Variants in PODXL2 observed in about 807,000 individuals in gnomAD.
The protein encoded by PODXL2 is podocalyxin like 2, also known as podocalyxin-like protein 2.
In PODXL2, 17 loss-of-function variants were observed where a neutral mutation model predicts 53.4. That is an observed-to-expected ratio of 0.32 (90% confidence interval 0.22 to 0.48). PODXL2 has a LOEUF of 0.48. PODXL2 is among the 20% of genes least tolerant of loss of function. The probability of loss-of-function intolerance (pLI) is 0.99; values close to 1 mark genes in which losing one functional copy is unlikely to be tolerated. For synonymous variants in PODXL2, 311 were observed against 306.7 expected, an observed-to-expected ratio of 1.01 and a Z score of -0.15; for missense variants, 673 against 760.0, an observed-to-expected ratio of 0.89 and a Z score of 1.35.
chr3:127,661,842 G>A (rs777071354), intron 3 of PODXL2, among the ~76,000 whole-genome samples: 3 of 152,060 alleles, frequency 2.0e-5, no homozygotes, highest in Non-Finnish European at 4.4e-5. Flanking sequence ...CGACACCCAT[G>A]TGCATAGCAG....
chr3:127,662,746 A>G (rs931807426), intron 4 of PODXL2, among the ~76,000 whole-genome samples: 5 of 152,194 alleles, frequency 3.3e-5, no homozygotes, highest in Admixed American at 6.5e-5. Context: ...AGCTTTGAGC[A>G]TAGTGCTAGG....
intron 2 of PODXL2, among the ~76,000 whole-genome samples, chr3:127,656,360 C>G (rs564722387): frequency 2.0e-5 from 3 of 152,286 alleles, no homozygotes; most frequent in Admixed American, 2.0e-4. Flanking sequence ...CAGGCCAAGG[C>G]AGGAGGATCG....
intron 1 of PODXL2, among the ~76,000 whole-genome samples, chr3:127,635,268 C>G (rs2074570594): frequency 6.6e-6 from 1 of 152,218 alleles, no homozygotes; most frequent in African/African-American, 2.4e-5. Flanking sequence ...CCCTGTGGCT[C>G]AAACAGAGTT....
chr3:127,635,253 A>C (rs1295117281), intron 1 of PODXL2, among the ~76,000 whole-genome samples: 3 of 152,228 alleles, frequency 2.0e-5, no homozygotes, highest in Non-Finnish European at 4.4e-5. Flanking sequence ...TCCCTGCCCT[A>C]CTAACCCTGT....
At position 127,672,510 on chromosome 3, in the gene PODXL2, G is replaced by T; in HGVS notation, c.*30G>T. The T allele has an allele frequency of 7.2e-7, 1 of 1,385,996 alleles. No homozygotes were observed. Among genetic ancestry groups the T allele is most frequent in the Non-Finnish European group, 9.6e-7 (1 of 1,045,618 alleles). The allele number at this position is 1,385,996 out of a possible 1,614,324, so 85.9% of individuals were successfully genotyped here. A position where few individuals can be genotyped will look rare whatever the true frequency, so the allele number is the denominator to read the frequency against. ...AGCCGAGGCGCAGGCCGAGTGGGCC[G>T]CCAGGACCAAGCGAGGTGGACCCCG... On this transcript the variant is annotated 3_prime_UTR_variant, in exon 8 of 8. Coordinates refer to ENST00000342480, the MANE Select transcript of PODXL2 (RefSeq NM_015720.4).
chr3:127,667,373 T>C (rs2074799835), intron 4 of PODXL2, among the ~76,000 whole-genome samples: 1 of 152,212 alleles, frequency 6.6e-6, no homozygotes, highest in South Asian at 2.1e-4. Context: ...GGCTCTCAGC[T>C]GCATAGCAGG....
intron 2 of PODXL2, among the ~76,000 whole-genome samples, chr3:127,646,478 C>G (rs933525102): frequency 8.6e-5 from 13 of 152,012 alleles, no homozygotes; most frequent in East Asian, 5.8e-4. Context: ...ACCTCCGCCT[C>G]CCAGGTTCAA....
chr3:127,637,237 C>T (rs564523945), intron 1 of PODXL2, among the ~76,000 whole-genome samples: 1 of 152,254 alleles, frequency 6.6e-6, no homozygotes, highest in African/African-American at 2.4e-5. Flanking sequence ...GTTTACTAGC[C>T]CTGGTCAGAT....
At chr3:127,641,431 ACTC>A (rs2074619526) in intron 2 of PODXL2, among the ~76,000 whole-genome samples, 2 of 150,566 alleles carry the variant, frequency 1.3e-5, no homozygotes, top group South Asian at 4.2e-4. Flanking sequence ...CTGGTCTTGA[ACTC>A]CTGGGCTCAA....
intron 2 of PODXL2, among the ~76,000 whole-genome samples, chr3:127,646,692 A>C (rs1484719066): frequency 3.3e-5 from 5 of 152,028 alleles, no homozygotes; most frequent in Non-Finnish European, 5.9e-5. Context: ...GGCTCCATAG[A>C]ATTTTGAGTT....
chr3:127,672,587 C>A lies in PODXL2; in HGVS notation c.*107C>A. 2.9e-6 allele frequency: 2 copies of A among 696,664 alleles called. No individual in the cohort carries two copies. Among genetic ancestry groups the A allele is most frequent in the Non-Finnish European group, 4.3e-6 (2 of 461,562 alleles). The allele number at this position is 696,664 out of a possible 1,614,324, so 43.2% of individuals were successfully genotyped here. ...GCCCCGCGCCTACCCGGGCCGCCCC[C>A]GCGGCCTGGCCCTCGGCGCGGGCTC... On this transcript the variant is annotated 3_prime_UTR_variant, in exon 8 of 8. Coordinates refer to ENST00000342480, the MANE Select transcript of PODXL2 (RefSeq NM_015720.4).
rs559426047 is a variant in PODXL2, at chr3:127,657,127, A to G, written c.350-3251A>G. Among the ~76,000 whole-genome samples, 38 of 152,310 alleles carry G rather than the reference A, an allele frequency of 2.5e-4. No individual in the cohort carries two copies. In the South Asian group the frequency reaches 7.5e-3, roughly 30 times the overall value. On this transcript the variant is annotated intron_variant, in intron 2 of 7. Coordinates refer to ENST00000342480, the MANE Select transcript of PODXL2 (RefSeq NM_015720.4). Reference sequence around the variant, plus strand: ...TAAGTTAGTGGCTGAGTCCCAGATCATGCTGCCGACAGCGTGACTGATGAT... The same window carrying G: ...TAAGTTAGTGGCTGAGTCCCAGATCGTGCTGCCGACAGCGTGACTGATGAT...
Position 127,629,955 on chromosome 3 carries a change from C to T in PODXL2, c.70+666C>T, listed in dbSNP as rs948511509. Among the ~76,000 whole-genome samples the T allele has an allele frequency of 6.6e-6, 1 of 152,070 alleles. No individual in the cohort carries two copies. On this transcript the variant is annotated intron_variant, in intron 1 of 7. Coordinates refer to ENST00000342480, the MANE Select transcript of PODXL2 (RefSeq NM_015720.4). This position sits in a 1 kb window ranked among gnomAD's most constrained non-coding sequence, Gnocchi z 6.4. ...GCTCACACACGAGGGAGGTGTGAGA[C>T]TCAGATGTGTGGTTTCCATTCAGCA...
rs992563951 is a variant in PODXL2, at chr3:127,629,850, C to A, written c.70+561C>A. Among the ~76,000 whole-genome samples, 14 of 152,046 alleles carry A rather than the reference C, an allele frequency of 9.2e-5. No individual in the cohort carries two copies. The highest frequency in any genetic ancestry group is 1.9e-4 in the Non-Finnish European group (13 of 68,018). Reference sequence around the variant, plus strand: ...AATGGGTATTCTCTCCTGTTCTGGGCGACTCTATTAGGAGCTGACAAAAAC... The same window carrying A: ...AATGGGTATTCTCTCCTGTTCTGGGAGACTCTATTAGGAGCTGACAAAAAC... On this transcript the variant is annotated intron_variant, in intron 1 of 7. Transcript: ENST00000342480. This position sits in a 1 kb window ranked among gnomAD's most constrained non-coding sequence, Gnocchi z 6.4.
intron 6 of PODXL2, among the ~76,000 whole-genome samples, chr3:127,670,015 A>G (rs1438391056): frequency 6.6e-6 from 1 of 152,098 alleles, no homozygotes; most frequent in African/African-American, 2.4e-5. Context: ...GGCAGGAGAG[A>G]TGAGTGGTAT....
chr3:127,630,097 C>T (rs72965768), intron 1 of PODXL2, among the ~76,000 whole-genome samples: 44 of 152,170 alleles, frequency 2.9e-4, no homozygotes, highest in African/African-American at 1.0e-3. Flanking sequence ...GCTTCCAGCG[C>T]AGACGGGGAT....
Position 127,660,638 on chromosome 3 carries a change from C to T in PODXL2, c.610C>T (p.Arg204Cys), listed in dbSNP as rs771019867. 1.0e-4 allele frequency: 169 copies of T among 1,614,214 alleles called. No homozygotes were observed. In the Middle Eastern group the frequency reaches 1.2e-3, roughly 11 times the overall value. The change falls in exon 3 of 8, where the codon CGT becomes TGT. Residue 204 changes from arginine (R) to cysteine (C), a missense_variant. Physicochemically the swap from Arg to Cys is radical, Grantham distance 180. Coordinates refer to ENST00000342480, the MANE Select transcript of PODXL2 (RefSeq NM_015720.4). ...GSQEEAKPQV[R>C]DFSLTSSSQT... ...CCAAGAAGAAGCCAAGCCTCAGGTC[C>T]GTGACTTTTCTCTCACCAGCAGCAG...
At chr3:127,645,438 G>A (rs2074646500) in intron 2 of PODXL2, among the ~76,000 whole-genome samples, 1 of 152,194 alleles carries the variant, frequency 6.6e-6, no homozygotes, top group South Asian at 2.1e-4. Flanking sequence ...AAGAGGACTA[G>A]CTTCAAGAGG....
At chr3:127,638,576 G>A (rs2074592992) in intron 1 of PODXL2, among the ~76,000 whole-genome samples, 1 of 152,094 alleles carries the variant, frequency 6.6e-6, no homozygotes, top group Non-Finnish European at 1.5e-5. Flanking sequence ...TTAGCCAGGC[G>A]TGGTGGTGGG....
Sources: allele counts gnomAD v4.1 joint callset (sites outside exome capture counted in the v4.1 genomes callset), GRCh38; gene constraint gnomAD v4.1.1; non-coding constraint Gnocchi (gnomAD v3.1); transcripts MANE v1.5; gene names NCBI Gene and HGNC (gene_info 2026-07-23, HGNC 2026-07-21).